Variants in FARS2 observed in about 807,000 individuals in gnomAD.
FARS2 encodes the protein phenylalanyl-tRNA synthetase 2, mitochondrial, also known as phenylalanine--tRNA ligase, mitochondrial.
FARS2 carries 40 observed loss-of-function variants against 46.4 expected under a neutral mutation model. That is an observed-to-expected ratio of 0.86 (90% CI 0.67 to 1.12). The LOEUF is 1.12. Among genes scored for constraint, FARS2 ranks in the 50% most tolerant of loss-of-function variants. FARS2 has a pLI of 0.00. For synonymous variants in FARS2, 234 were observed against 214.9 expected, an observed-to-expected ratio of 1.09 and a Z score of -0.78; for missense variants, 513 against 567.9, an observed-to-expected ratio of 0.90 and a Z score of 0.98.
rs1388627495 is a variant in FARS2, at chr6:5,609,744, C to T, written c.1066-3425C>T. 22 of 1,517,922 alleles carry T rather than the reference C, an allele frequency of 1.4e-5. No homozygotes were observed. In the Admixed American group the frequency reaches 1.8e-4, roughly 13 times the overall value. 94.0% of individuals were successfully genotyped at this position (1,517,922 alleles called of 1,614,324 possible). On this transcript the variant is annotated intron_variant, in intron 5 of 6. Transcript: ENST00000274680. ...TCATGGTCGTCAAAAGTTACAAAGGCAAAGCCCCTTTTCTTGCCACTGCCT... is the reference window on the plus strand; with the variant it reads ...TCATGGTCGTCAAAAGTTACAAAGGTAAAGCCCCTTTTCTTGCCACTGCCT...
At chr6:5,394,647 ATATCT>A (rs1760782842) in intron 2 of FARS2, among the ~76,000 whole-genome samples, 1 of 152,134 alleles carries the variant, frequency 6.6e-6, no homozygotes, top group African/African-American at 2.4e-5. Flanking sequence ...GAACTGGGTG[ATATCT>A]TATGGAAACT....
chr6:5,659,559 G>A (rs916528512), intron 6 of FARS2, among the ~76,000 whole-genome samples: 5 of 152,202 alleles, frequency 3.3e-5, no homozygotes, highest in African/African-American at 4.8e-5. Flanking sequence ...TGGTTGTAAA[G>A]TGGGGAGCTT....
intron 4 of FARS2, among the ~76,000 whole-genome samples, chr6:5,495,864 G>A (rs1463186087): frequency 6.6e-6 from 1 of 152,176 alleles, no homozygotes; most frequent in Non-Finnish European, 1.5e-5. Context: ...TACAATTTGT[G>A]TATCAGGCCT....
chr6:5,327,112 C>A (rs544797699), intron 1 of FARS2, among the ~76,000 whole-genome samples: 2 of 152,282 alleles, frequency 1.3e-5, no homozygotes, highest in East Asian at 3.9e-4. Flanking sequence ...TTACAAATTC[C>A]AGGGAAATTG....
At position 5,429,548 on chromosome 6, in the gene FARS2, A is replaced by G. The variant is rs192658764; in HGVS notation, c.773-1493A>G. Reference sequence around the variant, plus strand: ...GGGCCGAGTGCCGTGGCTCCTGCCTATAATCCCAGCACTTTGGGAGTTTGA... The same window carrying G: ...GGGCCGAGTGCCGTGGCTCCTGCCTGTAATCCCAGCACTTTGGGAGTTTGA... On this transcript the variant is annotated intron_variant, in intron 3 of 6. Transcript: ENST00000274680. Among the ~76,000 whole-genome samples, 342 of 152,266 alleles carry G rather than the reference A, an allele frequency of 2.2e-3. 1 individual carries two copies. The highest frequency in any genetic ancestry group is 4.4e-3 in the African/African-American group (181 of 41,560).
chr6:5,333,702 C>T (rs1044160971), intron 1 of FARS2, among the ~76,000 whole-genome samples: 4 of 152,130 alleles, frequency 2.6e-5, no homozygotes, highest in African/African-American at 7.2e-5. Context: ...AACTGTACTC[C>T]GGCCACTGTT....
intron 6 of FARS2, among the ~76,000 whole-genome samples, chr6:5,750,675 G>A (rs990034582): frequency 3.3e-5 from 5 of 152,148 alleles, no homozygotes; most frequent in Non-Finnish European, 5.9e-5. Context: ...TTAGACTCAG[G>A]AGGGGACAGA....
intron 6 of FARS2, among the ~76,000 whole-genome samples, chr6:5,685,656 C>G (rs566070460): frequency 6.6e-6 from 1 of 152,238 alleles, no homozygotes; most frequent in South Asian, 2.1e-4. Context: ...GTAGATAAAG[C>G]GTACGAGGTT....
rs149150594 is a variant in FARS2, at chr6:5,529,720, G to A, written c.905-15460G>A. Among the ~76,000 whole-genome samples the A allele has an allele frequency of 4.1e-3, 619 of 152,336 alleles. 7 individuals are homozygous for A. Among genetic ancestry groups the A allele is most frequent in the Non-Finnish European group, 6.6e-3 (452 of 68,034 alleles). The stretch of plus-strand genomic sequence containing the variant: ...TTCTCACAGCCTTTTTAATGGCTGA[G>A]TAGACAGTCTTTCTCTGCCTCTTGA... On this transcript the variant is annotated intron_variant, in intron 4 of 6. Transcript: ENST00000274680.
At chr6:5,577,268 G>C (rs940765076) in intron 5 of FARS2, among the ~76,000 whole-genome samples, 16 of 152,098 alleles carry the variant, frequency 1.1e-4, no homozygotes, top group Non-Finnish European at 1.5e-5. Flanking sequence ...GGAAAACAGA[G>C]AAGCAATAAT....
chr6:5,705,573 G>A (rs1724295253), intron 6 of FARS2, among the ~76,000 whole-genome samples: 3 of 152,048 alleles, frequency 2.0e-5, no homozygotes, highest in Non-Finnish European at 2.9e-5. Flanking sequence ...TTGACACCTG[G>A]CCGCTAAAGA....
chr6:5,616,833 G>A (rs970354614), intron 6 of FARS2, among the ~76,000 whole-genome samples: 1 of 152,084 alleles, frequency 6.6e-6, no homozygotes, highest in Non-Finnish European at 1.5e-5. Flanking sequence ...ACCCTTGCCA[G>A]CGTCAAAAGT....
intron 5 of FARS2, among the ~76,000 whole-genome samples, chr6:5,612,191 T>A (rs1775225695): frequency 6.6e-6 from 1 of 152,256 alleles, no homozygotes; most frequent in Non-Finnish European, 1.5e-5. Context: ...TAATCATTTA[T>A]GTTTGAGCAT....
chr6:5,692,790 C>A (rs557000624), intron 6 of FARS2, among the ~76,000 whole-genome samples: 3 of 152,104 alleles, frequency 2.0e-5, no homozygotes, highest in African/African-American at 7.2e-5. Flanking sequence ...GTGTGTGCGT[C>A]ACTATTTTTA....
chr6:5,531,526 T>C (rs1395280991), intron 4 of FARS2, among the ~76,000 whole-genome samples: 1 of 152,202 alleles, frequency 6.6e-6, no homozygotes, highest in Non-Finnish European at 1.5e-5. Context: ...GCCATCCAGC[T>C]CAGACCGTAT....
intron 1 of FARS2, among the ~76,000 whole-genome samples, chr6:5,326,188 C>G (rs578095862): frequency 6.6e-6 from 1 of 150,822 alleles, no homozygotes; most frequent in South Asian, 2.2e-4. Flanking sequence ...TATTTATTTC[C>G]TGTGCTGTCA....
intron 1 of FARS2, among the ~76,000 whole-genome samples, chr6:5,310,918 G>A (rs965261247): frequency 1.3e-5 from 2 of 152,222 alleles, no homozygotes; most frequent in Non-Finnish European, 2.9e-5. Flanking sequence ...AATCTCACTT[G>A]AGTGGAGTGC....
intron 1 of FARS2, among the ~76,000 whole-genome samples, chr6:5,347,066 A>G (rs1219523425): frequency 6.6e-6 from 1 of 151,948 alleles, no homozygotes; most frequent in African/African-American, 2.4e-5. Context: ...GTCACCCACC[A>G]CCACACCTGG....
chr6:5,474,029 A>G (rs553476300), intron 4 of FARS2, among the ~76,000 whole-genome samples: 141 of 152,286 alleles, frequency 9.3e-4, no homozygotes, highest in Non-Finnish European at 1.5e-3. Flanking sequence ...TGTGCTCTCC[A>G]TGTAGCCTCC....
Sources: allele counts gnomAD v4.1 joint callset (sites outside exome capture counted in the v4.1 genomes callset), GRCh38; gene constraint gnomAD v4.1.1; transcripts MANE v1.5; gene names NCBI Gene and HGNC (gene_info 2026-07-23, HGNC 2026-07-21).